Variants in SYPL2 observed in about 807,000 individuals in gnomAD.
SYPL2 encodes synaptophysin like 2, also known as synaptophysin-like protein 2.
A neutral mutation model predicts 31.3 loss-of-function variants in SYPL2; 24 were observed. The observed-to-expected ratio is 0.77, with a 90% CI of 0.56 to 1.08. SYPL2 has a LOEUF of 1.08. Ranked by LOEUF, SYPL2 falls within the 50% of genes least tolerant of loss-of-function variation. The pLI is 0.00. For missense variants in SYPL2, 342 were observed against 360.1 expected (o/e 0.95, Z 0.41); for synonymous variants, 144 against 143.1 (o/e 1.01, Z -0.05).
intron 2 of SYPL2, 110 bp downstream of exon 2, chr1:109,467,243 C>G: frequency 2.1e-5 from 3 of 141,736 alleles, no homozygotes; most frequent in East Asian, 2.3e-4. Context: ...CGGGCCACGG[C>G]GGAAGGGTGG....
chr1:109,470,249 A>T (rs56034249), intron 2 of SYPL2, among the ~76,000 whole-genome samples: 9,646 of 152,276 alleles, frequency 0.063, 340 homozygotes, highest in African/African-American at 0.086. Flanking sequence ...CTCAGCCTCC[A>T]AAAGTGCTGA....
intron 2 of SYPL2, among the ~76,000 whole-genome samples, chr1:109,469,448 C>T (rs1272512523): frequency 6.7e-6 from 1 of 150,268 alleles, no homozygotes; most frequent in Non-Finnish European, 1.5e-5. Flanking sequence ...CTATACTAAG[C>T]TAGCAAAAAT....
Position 109,475,620 on chromosome 1 carries a change from A to G in SYPL2, c.169A>G (p.Ser57Gly). Residue 57 changes from serine to glycine, a missense_variant, in exon 3 of 6, where the codon AGC (serine) becomes GGC (glycine). Coordinates refer to ENST00000369872, the MANE Select transcript of SYPL2 (RefSeq NM_001040709.2). ...CGCCTTCGGGTCCTGTGGCTCCTAC[A>G]GCGGGGAGACAGGAGCAATGGTTCG... ...IFAFGSCGSY[S>G]GETGAMVRCN... 5 of 1,614,144 alleles carry G rather than the reference A, an allele frequency of 3.1e-6. No homozygotes were observed. The highest frequency in any genetic ancestry group is 4.2e-6 in the Non-Finnish European group (5 of 1,180,002).
intron 2 of SYPL2, 132 bp downstream of exon 2, chr1:109,467,265 A>T: frequency 4.2e-4 from 28 of 66,256 alleles, no homozygotes; most frequent in East Asian, 1.2e-3. Context: ...GGGCGGCGAC[A>T]GGTGGGCGGG....
In SYPL2 at chr1:109,466,718, C is replaced by T. The variant is rs1052400692; in HGVS notation, c.-126C>T. 1.6e-4 allele frequency: 168 copies of T among 1,066,860 alleles called. No individual in the cohort carries two copies. The highest frequency in any genetic ancestry group is 2.0e-4 in the Non-Finnish European group (160 of 814,706). 66.1% of individuals were successfully genotyped at this position (1,066,860 alleles called of 1,614,324 possible). On this transcript the variant is annotated 5_prime_UTR_variant, in exon 1 of 6. Transcript: ENST00000369872. ...CTGGACTCCGGCCCACCGACGGCCG[C>T]TCGCGCTCCGGCCCCGCTCGCCTGC... is the stretch of plus-strand genomic sequence containing the variant.
In SYPL2 at chr1:109,478,023, C is replaced by T. The variant is rs188762027; in HGVS notation, c.648+14C>T. The stretch of plus-strand genomic sequence containing the variant: ...AACATCTCCGTGGTGAGACCTGTGG[C>T]CACTGCAGGAAGCAGCACCAGCCCT... On this transcript the variant is annotated intron_variant, in intron 5 of 5. Transcript: ENST00000369872. The surrounding 1 kb of genome is among the most constrained non-coding windows in gnomAD (Gnocchi z 4.0). The T allele has an allele frequency of 9.4e-5, 152 of 1,613,508 alleles. No homozygotes were observed. In the African/African-American group the frequency reaches 1.7e-3, roughly 18 times the overall value.
Position 109,477,909 on chromosome 1 carries a change from G to T in SYPL2, c.548G>T (p.Arg183Leu). Residue 183 changes from arginine to leucine, a missense_variant, in exon 5 of 6, where the codon CGA becomes CTA. Physicochemically the swap from Arg to Leu is moderately radical, Grantham distance 102. Coordinates refer to ENST00000369872, the MANE Select transcript of SYPL2 (RefSeq NM_001040709.2). ...CTGACCGATGTCAAGGGGGCCACAC[G>T]ACCATCCAGCTTGACAGCAGCCATG... ...KGLTDVKGAT[R>L]PSSLTAAMSV... is the part of the protein sequence containing the mutation. 1.2e-6 allele frequency: 2 copies of T among 1,614,166 alleles called. No homozygotes were observed. The highest frequency in any genetic ancestry group is 1.6e-4 in the Middle Eastern group (1 of 6,062).
In SYPL2 at chr1:109,476,927, T is replaced by G. The variant is rs768981706; in HGVS notation, c.406T>G (p.Tyr136Asp). 6.2e-7 allele frequency: 1 copy of G among 1,614,072 alleles called. No individual in the cohort carries two copies. Among genetic ancestry groups the G allele is most frequent in the Non-Finnish European group, 8.5e-7 (1 of 1,180,046 alleles). ...FFYTMAALVI[Y>D]LRFHNLYTEN... The stretch of plus-strand genomic sequence containing the variant: ...CTATACCATGGCTGCCCTAGTTATC[T>G]ACCTGCGCTTCCACAACCTCTACAC... The change falls in exon 4 of 6, where the codon TAC becomes GAC. Residue 136 changes from tyrosine (Y) to aspartate (D), a missense_variant. Tyr to Asp is a radical substitution (Grantham distance 160). Transcript: ENST00000369872.
intron 2 of SYPL2, 83 bp from the exon 3 acceptor site, chr1:109,475,498 G>A: frequency 6.5e-7 from 1 of 1,539,274 alleles, no homozygotes; most frequent in Non-Finnish European, 8.8e-7. Context: ...CTTAATGTCT[G>A]CACCTGCGGG....
At chr1:109,471,526 G>A (rs914381032) in intron 2 of SYPL2, among the ~76,000 whole-genome samples, 1 of 152,150 alleles carries the variant, frequency 6.6e-6, no homozygotes, top group African/African-American at 2.4e-5. Flanking sequence ...GATAGTACCT[G>A]CTAGTCACAT....
At chr1:109,479,259 T>C in intron 5 of SYPL2, 119 bp from the exon 6 acceptor site, 2 of 1,124,400 alleles carry the variant, frequency 1.8e-6, no homozygotes, top group South Asian at 1.4e-5. Flanking sequence ...TTAGTCTTTC[T>C]AGTCCTCTGT....
chr1:109,470,027 C>T (rs537966107), intron 2 of SYPL2, among the ~76,000 whole-genome samples: 4 of 150,468 alleles, frequency 2.7e-5, no homozygotes, highest in Non-Finnish European at 5.9e-5. Context: ...CTGGCTCTAT[C>T]GCTGAGGCTG....
In SYPL2 at chr1:109,481,803, A is replaced by G. The variant is rs764953619; in HGVS notation, c.*2255A>G. 6.6e-6 allele frequency: 1 copy of G among 152,290 alleles called. No individual in the cohort carries two copies. The highest frequency in any genetic ancestry group is 2.1e-4 in the South Asian group (1 of 4,838). 9.4% of individuals were successfully genotyped at this position (152,290 alleles called of 1,614,324 possible). On this transcript the variant is annotated 3_prime_UTR_variant, in exon 6 of 6. Coordinates refer to ENST00000369872, the MANE Select transcript of SYPL2 (RefSeq NM_001040709.2). ...TACCTCCAGAGGGCTGGGCAGGGCC[A>G]AGTGCCTCATAGGACTCATGTTCTC...
chr1:109,479,452 ACAGGGC>A lies in SYPL2; in HGVS notation c.734_739del (p.Gly245_Gln246del), dbSNP rs201507882. ...TGTTCAAGGAGACCCCGTGGCATGGACAGGGCCAGGGCCAGGACCAGGACCAGGACC... is the reference window on the plus strand; with the variant it reads ...TGTTCAAGGAGACCCCGTGGCATGGACAGGGCCAGGACCAGGACCAGGACC... On this transcript the variant is annotated inframe_deletion, in exon 6 of 6. Coordinates refer to ENST00000369872, the MANE Select transcript of SYPL2 (RefSeq NM_001040709.2). 6.2e-7 allele frequency: 1 copy of A among 1,613,954 alleles called. No homozygotes were observed. The highest frequency in any genetic ancestry group is 1.7e-5 in the Admixed American group (1 of 60,002).
At chr1:109,475,336 C>G (rs1655961866) in intron 2 of SYPL2, 1 of 401,870 alleles carries the variant, frequency 2.5e-6, no homozygotes, top group African/African-American at 2.0e-5. Context: ...TTTCCTGCCT[C>G]TTCATCTCCC....
At position 109,477,905 on chromosome 1, in the gene SYPL2, A is replaced by G; in HGVS notation, c.544A>G (p.Thr182Ala). The change falls in exon 5 of 6, where the codon ACA (threonine) becomes GCA (alanine). Residue 182 changes from threonine to alanine, a missense_variant. By Grantham distance (58) the Thr-to-Ala change is moderately conservative. Coordinates refer to ENST00000369872, the MANE Select transcript of SYPL2 (RefSeq NM_001040709.2). ...GGGCCTGACCGATGTCAAGGGGGCC[A>G]CACGACCATCCAGCTTGACAGCAGC... is the stretch of plus-strand genomic sequence containing the variant. ...GKGLTDVKGA[T>A]RPSSLTAAMS... The G allele has an allele frequency of 6.2e-7, 1 of 1,614,192 alleles. No individual in the cohort carries two copies. The highest frequency in any genetic ancestry group is 2.2e-5 in the East Asian group (1 of 44,884).
intron 5 of SYPL2, among the ~76,000 whole-genome samples, chr1:109,479,062 G>A (rs182308411): frequency 4.9e-4 from 74 of 152,334 alleles, no homozygotes; most frequent in African/African-American, 1.3e-3. Context: ...TGTGGGAGGC[G>A]CCCCAGGGCT....
In SYPL2 at chr1:109,481,081, C is replaced by G. The variant is rs541040449; in HGVS notation, c.*1533C>G. The G allele has an allele frequency of 6.5e-6, 1 of 152,682 alleles. No individual in the cohort carries two copies. Among genetic ancestry groups the G allele is most frequent in the Non-Finnish European group, 1.5e-5 (1 of 68,070 alleles). The allele number at this position is 152,682 out of a possible 1,614,324, so 9.5% of individuals were successfully genotyped here. ...CTCTCCTCAGGACTGAGTCAACCCCCTTCAACCTCCTCACCTCTCTAAACA... is the reference window on the plus strand; with the variant it reads ...CTCTCCTCAGGACTGAGTCAACCCCGTTCAACCTCCTCACCTCTCTAAACA... On this transcript the variant is annotated 3_prime_UTR_variant, in exon 6 of 6. Coordinates refer to ENST00000369872, the MANE Select transcript of SYPL2 (RefSeq NM_001040709.2).
At position 109,475,716 on chromosome 1, in the gene SYPL2, A is replaced by C; in HGVS notation, c.254+11A>C. ...TGGCTATCCCTTCAGGTGAGCAAGAATTGGTTCCAACCCAGCACATCATCT... is the reference window on the plus strand; with the variant it reads ...TGGCTATCCCTTCAGGTGAGCAAGACTTGGTTCCAACCCAGCACATCATCT... On this transcript the variant is annotated intron_variant, in intron 3 of 5. Transcript: ENST00000369872. The C allele has an allele frequency of 6.2e-7, 1 of 1,611,658 alleles. No individual in the cohort carries two copies. Among genetic ancestry groups the C allele is most frequent in the Non-Finnish European group, 8.5e-7 (1 of 1,178,126 alleles).
Sources: allele counts gnomAD v4.1 joint callset (sites outside exome capture counted in the v4.1 genomes callset), GRCh38; gene constraint gnomAD v4.1.1; non-coding constraint Gnocchi (gnomAD v3.1); transcripts MANE v1.5; gene names NCBI Gene and HGNC (gene_info 2026-07-23, HGNC 2026-07-21).